EBF1: variants seen among roughly 807,000 people sequenced by gnomAD.
EBF1 encodes the protein EBF transcription factor 1.
In EBF1, 10 loss-of-function variants were observed where a neutral mutation model predicts 68.4. The ratio of observed to expected loss-of-function variants is 0.15; its 90% CI spans 0.09 to 0.25. The LOEUF is 0.25. Ranked by LOEUF, EBF1 falls within the 10% of genes least tolerant of loss-of-function variation. The pLI is 1.00. For synonymous variants in EBF1, 298 were observed against 299.8 expected, an observed-to-expected ratio of 0.99 and a Z score of 0.06; for missense variants, 509 against 794.4, an observed-to-expected ratio of 0.64 and a Z score of 4.32.
intron 6 of EBF1, among the ~76,000 whole-genome samples, chr5:158,953,997 T>A (rs900042294): frequency 6.6e-6 from 1 of 152,232 alleles, no homozygotes; most frequent in Non-Finnish European, 1.5e-5. Flanking sequence ...TTTATATGAA[T>A]AGCAAGATGT....
At chr5:158,892,876 A>G (rs1320841799) in intron 6 of EBF1, among the ~76,000 whole-genome samples, 2 of 151,652 alleles carry the variant, frequency 1.3e-5, no homozygotes, top group Non-Finnish European at 2.9e-5. Flanking sequence ...TTGCTCACTC[A>G]GCACCTACTC....
At chr5:158,810,138 G>T (rs1256245349) in intron 8 of EBF1, among the ~76,000 whole-genome samples, 1 of 152,060 alleles carries the variant, frequency 6.6e-6, no homozygotes, top group African/African-American at 2.4e-5. Context: ...TGATGATTCC[G>T]CCAGAAGATT....
chr5:158,714,512 T>TG (rs60599255), intron 11 of EBF1, among the ~76,000 whole-genome samples: 16,659 of 152,234 alleles, frequency 0.11, 2,657 homozygotes, highest in African/African-American at 0.35. Context: ...TGTCATTCAG[T>TG]CGTGGTATGA....
chr5:158,850,426 G>A (rs1582541119), intron 6 of EBF1, among the ~76,000 whole-genome samples: 2 of 152,294 alleles, frequency 1.3e-5, no homozygotes, highest in African/African-American at 2.4e-5. Flanking sequence ...TTGAAGTACA[G>A]TTCTCATGCT....
At chr5:158,767,369 C>A (rs1581706167) in intron 10 of EBF1, among the ~76,000 whole-genome samples, 1 of 152,052 alleles carries the variant, frequency 6.6e-6, no homozygotes, top group Non-Finnish European at 1.5e-5. Flanking sequence ...CTCACGTGTC[C>A]TAGAAATACC....
chr5:158,884,534 C>A (rs1309338251), intron 6 of EBF1, among the ~76,000 whole-genome samples: 3 of 152,096 alleles, frequency 2.0e-5, no homozygotes, highest in Non-Finnish European at 2.9e-5. Context: ...GGCAAGGTAG[C>A]CCTCAGGACA....
intron 6 of EBF1, among the ~76,000 whole-genome samples, chr5:158,973,664 C>G (rs1756120745): frequency 6.6e-6 from 1 of 152,196 alleles, no homozygotes; most frequent in African/African-American, 2.4e-5. Context: ...ACCCTATTAT[C>G]ATTATACCCC....
chr5:158,703,278 T>G (rs1337493088), intron 15 of EBF1, among the ~76,000 whole-genome samples: 1 of 152,222 alleles, frequency 6.6e-6, no homozygotes, highest in Non-Finnish European at 1.5e-5. Flanking sequence ...GATTTATCAA[T>G]TACTTCACCT....
intron 6 of EBF1, among the ~76,000 whole-genome samples, chr5:159,049,781 C>T (rs529081257): frequency 1.3e-5 from 2 of 152,166 alleles, no homozygotes; most frequent in African/African-American, 4.8e-5. Flanking sequence ...GAAGGCAAAA[C>T]AAGGATGGTT....
intron 6 of EBF1, among the ~76,000 whole-genome samples, chr5:158,918,304 C>T (rs1213392524): frequency 6.6e-6 from 1 of 152,146 alleles, no homozygotes; most frequent in South Asian, 2.1e-4. Context: ...GGCTTAAGGG[C>T]CATTTATACT....
intron 8 of EBF1, among the ~76,000 whole-genome samples, chr5:158,806,633 T>C (rs114578328): frequency 0.024 from 3,615 of 152,262 alleles, 161 homozygotes; most frequent in African/African-American, 0.083. Context: ...TCAGACTTCC[T>C]ATTTAAGCTT....
At chr5:158,758,327 A>T (rs1770602414) in intron 10 of EBF1, among the ~76,000 whole-genome samples, 1 of 152,190 alleles carries the variant, frequency 6.6e-6, no homozygotes, top group African/African-American at 2.4e-5. Flanking sequence ...GTATTTCAAT[A>T]ATCAGCCTGT....
At chr5:158,789,262 T>C (rs1345097359) in intron 9 of EBF1, among the ~76,000 whole-genome samples, 1 of 152,180 alleles carries the variant, frequency 6.6e-6, no homozygotes, top group Non-Finnish European at 1.5e-5. Context: ...TTAATCAACT[T>C]TGAATTAAAT....
chr5:158,803,623 C>A (rs970446570), intron 8 of EBF1, among the ~76,000 whole-genome samples: 1 of 151,958 alleles, frequency 6.6e-6, no homozygotes, highest in African/African-American at 2.4e-5. Flanking sequence ...CCAGAGTATG[C>A]AAACTTCACT....
chr5:158,938,908 C>T (rs182900099), intron 6 of EBF1, among the ~76,000 whole-genome samples: 2 of 152,244 alleles, frequency 1.3e-5, no homozygotes, highest in Non-Finnish European at 1.5e-5. Flanking sequence ...TAGGACCTAC[C>T]CTTAAATGTT....
chr5:158,784,807 G>A (rs936839812), intron 9 of EBF1, among the ~76,000 whole-genome samples: 6 of 152,132 alleles, frequency 3.9e-5, no homozygotes, highest in Non-Finnish European at 7.4e-5. Flanking sequence ...AGCCTAAAGT[G>A]GGCACTGGCA....
chr5:158,914,304 T>C (rs1172791298), intron 6 of EBF1, among the ~76,000 whole-genome samples: 1 of 152,210 alleles, frequency 6.6e-6, no homozygotes, highest in Non-Finnish European at 1.5e-5. Flanking sequence ...TTTTTAATGA[T>C]CTCTGAAAAC....
At chr5:159,067,341 A>G (rs1043368478) in intron 6 of EBF1, among the ~76,000 whole-genome samples, 1 of 152,174 alleles carries the variant, frequency 6.6e-6, no homozygotes, top group African/African-American at 2.4e-5. Context: ...AAAAACCTAC[A>G]CCACGGGCTG....
chr5:158,966,371 A>G (rs914715677), intron 6 of EBF1, among the ~76,000 whole-genome samples: 3 of 152,162 alleles, frequency 2.0e-5, no homozygotes, highest in Non-Finnish European at 2.9e-5. Flanking sequence ...AGTCCTTCCA[A>G]TTTGATGATC....
Sources: allele counts gnomAD v4.1 joint callset (sites outside exome capture counted in the v4.1 genomes callset), GRCh38; gene constraint gnomAD v4.1.1; transcripts MANE v1.5; gene names NCBI Gene and HGNC (gene_info 2026-07-23, HGNC 2026-07-21).